FRMPD4: variants seen among roughly 807,000 people sequenced by gnomAD.
FRMPD4 encodes the protein FERM and PDZ domain-containing protein 4.
In FRMPD4, 22 loss-of-function variants were observed where a neutral mutation model predicts 94.1. The ratio of observed to expected loss-of-function variants is 0.23; its 90% CI spans 0.17 to 0.33. FRMPD4 has a LOEUF of 0.33. Ranked by LOEUF, FRMPD4 falls within the 10% of genes least tolerant of loss-of-function variation. The pLI, the probability that FRMPD4 is intolerant of heterozygous loss-of-function variation, is 1.00. For synonymous variants in FRMPD4, 631 were observed against 548.6 expected (o/e 1.15, Z -2.10); for missense variants, 1,111 against 1,339.9 (o/e 0.83, Z 2.67).
intron 6 of FRMPD4, among the ~76,000 whole-genome samples, chrX:12,684,903 A>G (rs1482236819): frequency 8.9e-6 from 1 of 111,770 alleles, no homozygotes; most frequent in Non-Finnish European, 1.9e-5. Flanking sequence ...AAGCCTCCAC[A>G]GCCCTGCCAC....
At chrX:12,413,895 T>C (rs1384240859) in intron 1 of FRMPD4, among the ~76,000 whole-genome samples, 1 of 112,157 alleles carries the variant, frequency 8.9e-6, no homozygotes, top group African/African-American at 3.2e-5. Context: ...TTGTCAGCAA[T>C]CTAAAAGGCA....
intron 1 of FRMPD4, among the ~76,000 whole-genome samples, chrX:12,440,177 G>A (rs1055330572): frequency 1.8e-5 from 2 of 111,991 alleles, no homozygotes; most frequent in African/African-American, 3.2e-5. Context: ...AACAGATAAT[G>A]ATGTAGTATA....
At chrX:12,627,462 C>T (rs2148443201) in intron 4 of FRMPD4, among the ~76,000 whole-genome samples, 1 of 111,877 alleles carries the variant, frequency 8.9e-6, no homozygotes, top group East Asian at 2.8e-4. Context: ...CTCATACACA[C>T]TTGCAGCATA....
At position 12,650,927 on chromosome X, in the gene FRMPD4, G is replaced by C. The variant is rs141927308; in HGVS notation, c.423-23936G>C. On this transcript the variant is annotated intron_variant, in intron 4 of 16. Coordinates refer to ENST00000675598, the MANE Select transcript of FRMPD4 (RefSeq NM_001368397.1). ...TCAGCCTGGCCTTCTGAAATGCTCA[G>C]TTTAAAATAACAGTTGCAGGTACCC... Among the ~76,000 whole-genome samples, 662 of 112,876 alleles carry C rather than the reference G, an allele frequency of 5.9e-3. 6 individuals carry two copies. Among genetic ancestry groups the C allele is most frequent in the African/African-American group, 0.021 (641 of 31,138 alleles).
intron 4 of FRMPD4, among the ~76,000 whole-genome samples, chrX:12,669,187 C>T (rs142808788): frequency 0.024 from 2,680 of 111,588 alleles, 72 homozygotes; most frequent in African/African-American, 0.084. Flanking sequence ...CAAGTTGCCA[C>T]GTTGGTGAGA....
chrX:12,305,725 G>GTTTTTTTTTGTTTTTTTTTTTTTT (rs563804861), intron 1 of FRMPD4, among the ~76,000 whole-genome samples: 2 of 59,701 alleles, frequency 3.4e-5, no homozygotes, highest in African/African-American at 7.6e-5. Context: ...AGCTGGCTAA[G>GTTTTTTTTTGTTTTTTTTTTTTTT]TTTTTTTTTT....
Position 11,917,834 on chromosome X carries a change from G to A in FRMPD4, c.95+39816G>A, listed in dbSNP as rs145812959. 7.7e-3 allele frequency among the ~76,000 whole-genome samples: 831 copies of A among 108,412 alleles called. 4 individuals are homozygous for A. Among genetic ancestry groups the A allele is most frequent in the Non-Finnish European group, 0.012 (650 of 52,282 alleles). The allele number at this position is 108,412 out of a possible 115,157, so 94.1% of individuals were successfully genotyped here. A position where few individuals can be genotyped will look rare whatever the true frequency, so the allele number is the denominator to read the frequency against. ...TGGGTTCAGTGGAAGCCCAAAGCCC[G>A]GGATTACACAATATACCCATGTAAC... On this transcript the variant is annotated intron_variant, in intron 3 of 18. Transcript: ENST00000640291.
intron 1 of FRMPD4, among the ~76,000 whole-genome samples, chrX:12,393,453 G>A (rs890534676): frequency 7.1e-5 from 8 of 111,941 alleles, no homozygotes; most frequent in Admixed American, 4.7e-4. Flanking sequence ...AATTAAGATA[G>A]GCTTGGCTTA....
chrX:12,602,157 T>G (rs2059090282), intron 2 of FRMPD4, among the ~76,000 whole-genome samples: 1 of 112,002 alleles, frequency 8.9e-6, no homozygotes, highest in South Asian at 3.8e-4. Context: ...AACTAGGTTC[T>G]AAAATGCCTC....
intron 2 of FRMPD4, among the ~76,000 whole-genome samples, chrX:12,559,616 C>T: frequency 9.5e-6 from 1 of 105,476 alleles, no homozygotes; most frequent in East Asian, 2.9e-4. Context: ...TGCCATTACA[C>T]TCCAGCCGAG....
At chrX:12,071,815 G>T (rs1187385824) in intron 3 of FRMPD4, among the ~76,000 whole-genome samples, 1 of 110,844 alleles carries the variant, frequency 9.0e-6, no homozygotes, top group Admixed American at 9.6e-5. Context: ...CCAGCCAAAG[G>T]AAGGACCAGA....
At chrX:12,135,521 T>C (rs749707721), upstream of FRMPD4, among the ~76,000 whole-genome samples, 35 of 106,269 alleles carry the variant, frequency 3.3e-4, no homozygotes, top group African/African-American at 1.2e-3. Flanking sequence ...GAAAACATAC[T>C]AGATAATTAC....
At chrX:12,164,101 G>A (rs2056072493) in intron 1 of FRMPD4, among the ~76,000 whole-genome samples, 1 of 109,890 alleles carries the variant, frequency 9.1e-6, no homozygotes, top group African/African-American at 3.3e-5. Context: ...CAACGTGCAG[G>A]TTTCTAACAT....
At chrX:12,106,904 G>A (rs1601942177) in intron 3 of FRMPD4, among the ~76,000 whole-genome samples, 1 of 111,983 alleles carries the variant, frequency 8.9e-6, no homozygotes, top group Non-Finnish European at 1.9e-5. Flanking sequence ...TCACCAGGAA[G>A]CTCGAAGTGG....
At position 12,587,645 on chromosome X, in the gene FRMPD4, A is replaced by AGTGTGT. The variant is rs56902110; in HGVS notation, c.159-22051_159-22046dup. 6.3e-4 allele frequency among the ~76,000 whole-genome samples: 66 copies of AGTGTGT among 103,973 alleles called. 2 individuals are homozygous for AGTGTGT. The East Asian group carries it at 0.015, about 23-fold the overall frequency. 90.3% of individuals were successfully genotyped at this position (103,973 alleles called of 115,157 possible). On this transcript the variant is annotated intron_variant, in intron 2 of 16. Coordinates refer to ENST00000675598, the MANE Select transcript of FRMPD4 (RefSeq NM_001368397.1). Reference sequence around the variant, plus strand: ...TATGGCTGAATAATATTCCATTATGAGTGTGTGTGTGTGTGTGTGTGTGTG... The same window carrying AGTGTGT: ...TATGGCTGAATAATATTCCATTATGAGTGTGTGTGTGTGTGTGTGTGTGTGTGTGTG...
chrX:12,499,525 T>C (rs764616514), intron 2 of FRMPD4, among the ~76,000 whole-genome samples: 2 of 112,106 alleles, frequency 1.8e-5, no homozygotes, highest in African/African-American at 3.2e-5. Context: ...AATTGCCAGT[T>C]CCTCCCTCCC....
chrX:12,529,263 A>G (rs1204952121), intron 2 of FRMPD4, among the ~76,000 whole-genome samples: 2 of 113,060 alleles, frequency 1.8e-5, no homozygotes, highest in Middle Eastern at 4.6e-3. Flanking sequence ...GGCTGCCTTC[A>G]GTTTCTTGCC....
intron 3 of FRMPD4, among the ~76,000 whole-genome samples, chrX:11,926,108 A>G (rs2054086196): frequency 9.0e-6 from 1 of 110,588 alleles, no homozygotes; most frequent in Admixed American, 9.6e-5. Context: ...TAATATGAAC[A>G]CTTCCATGCA....
intron 2 of FRMPD4, among the ~76,000 whole-genome samples, chrX:12,544,092 A>T (rs1296124559): frequency 1.8e-5 from 1 of 56,191 alleles, no homozygotes; most frequent in East Asian, 6.0e-4. Flanking sequence ...GTTGTGGGGT[A>T]GGGGGAGGGG....
Sources: gnomAD v4.1 joint callset for allele counts (sites outside exome capture counted in the v4.1 genomes callset) on GRCh38, gnomAD v4.1.1 for gene constraint, MANE v1.5 for transcripts, NCBI Gene and HGNC (gene_info 2026-07-23, HGNC 2026-07-21) for gene names.